Variants in CNTNAP3 observed in about 807,000 individuals in gnomAD.
The protein encoded by CNTNAP3 is contactin-associated protein-like 3.
A neutral mutation model predicts 92.1 loss-of-function variants in CNTNAP3; 36 were observed. The observed-to-expected ratio is 0.39, with a 90% CI of 0.30 to 0.52. CNTNAP3 has a LOEUF of 0.52. Among genes scored for constraint, CNTNAP3 ranks in the 20% least tolerant of loss-of-function variants. CNTNAP3 has a pLI of 0.76. For missense variants in CNTNAP3, 534 were observed against 1,069.6 expected (o/e 0.50, Z 6.98); for synonymous variants, 232 against 422.3 (o/e 0.55, Z 5.53).
intron 13 of CNTNAP3, among the ~76,000 whole-genome samples, chr9:39,120,623 T>C (rs919853700): frequency 2.0e-5 from 3 of 152,142 alleles, no homozygotes; most frequent in East Asian, 1.9e-4. Context: ...TGAGCCGAGA[T>C]TGTGCCACTG....
rs558954825 is a variant in CNTNAP3, at chr9:39,092,322, T to C, written c.2996-3675A>G. Among the ~76,000 whole-genome samples the C allele has an allele frequency of 2.8e-5, 4 of 144,564 alleles. No individual in the cohort carries two copies. The South Asian group carries it at 9.0e-4, about 33-fold the overall frequency. 94.8% of individuals were successfully genotyped at this position (144,564 alleles called of 152,430 possible). ...GTTTGCTCTTCTTTTTTCAGTGTCTTAGGGTGGCAGGTCAGGTTTTTTATT... is the reference window on the plus strand; with the variant it reads ...GTTTGCTCTTCTTTTTTCAGTGTCTCAGGGTGGCAGGTCAGGTTTTTTATT... On this transcript the variant is annotated intron_variant, in intron 18 of 23. Transcript: ENST00000297668.
intron 18 of CNTNAP3, among the ~76,000 whole-genome samples, chr9:39,092,332 G>A (rs969066946): frequency 3.5e-5 from 5 of 142,976 alleles, no homozygotes; most frequent in Admixed American, 1.4e-4. Context: ...TAGGGTGGCA[G>A]GTCAGGTTTT....
At chr9:39,110,521 A>T (rs1826720207) in intron 14 of CNTNAP3, among the ~76,000 whole-genome samples, 1 of 152,184 alleles carries the variant, frequency 6.6e-6, no homozygotes, top group African/African-American at 2.4e-5. Context: ...TTCTGAAAGC[A>T]CACAGCCTAT....
chr9:39,165,057 T>TTGAG (rs1356887878), intron 9 of CNTNAP3, among the ~76,000 whole-genome samples: 5 of 99,974 alleles, frequency 5.0e-5, no homozygotes, highest in East Asian at 5.7e-4. Context: ...AAGTCTGAGT[T>TTGAG]TGAGGCAAAG....
intron 19 of CNTNAP3, among the ~76,000 whole-genome samples, chr9:39,088,029 G>C (rs1020162111): frequency 6.6e-6 from 1 of 152,152 alleles, no homozygotes; most frequent in African/African-American, 2.4e-5. Flanking sequence ...TTATATAGTT[G>C]TACTATAACA....
Position 39,085,901 on chromosome 9 carries a change from A to G in CNTNAP3, c.3355-78T>C, listed in dbSNP as rs1025730524. ...ATAAGGAAGCAAAGGAAGATGAGGA[A>G]AGGAAAGATGAAAATAAATCACTTT... On this transcript the variant is annotated intron_variant, in intron 20 of 23. Coordinates refer to ENST00000297668, the MANE Select transcript of CNTNAP3 (RefSeq NM_033655.5). 12 of 1,276,616 alleles carry G rather than the reference A, an allele frequency of 9.4e-6. 1 individual carries two copies. The highest frequency in any genetic ancestry group is 8.6e-5 in the Admixed American group (5 of 58,226). 79.1% of individuals were successfully genotyped at this position (1,276,616 alleles called of 1,614,324 possible).
chr9:39,078,560 T>C, intron 22 of CNTNAP3, 104 bp from the exon 23 acceptor site: 1 of 1,558,474 alleles, frequency 6.4e-7, no homozygotes, highest in South Asian at 1.2e-5. Context: ...AATAAGAACA[T>C]CACAAAAATG....
chr9:39,086,586 C>A, intron 20 of CNTNAP3, 130 bp downstream of exon 20: 1 of 1,243,790 alleles, frequency 8.0e-7, no homozygotes, highest in Non-Finnish European at 1.1e-6. Flanking sequence ...TATTTGGCTT[C>A]TTCTTGACTT....
At chr9:39,119,464 A>T (rs545580638) in intron 13 of CNTNAP3, among the ~76,000 whole-genome samples, 3 of 152,152 alleles carry the variant, frequency 2.0e-5, no homozygotes, top group East Asian at 3.9e-4. Context: ...AGATATTTTT[A>T]AAAATTAATA....
In CNTNAP3 at chr9:39,140,465, G is replaced by A. The variant is rs1489691148; in HGVS notation, c.1876+54C>T. Reference sequence around the variant, plus strand: ...ATGTTTTAATAATGCTGCCAACTAGGTAAATTTCTCCTTGGTCTATTCTGA... The same window carrying A: ...ATGTTTTAATAATGCTGCCAACTAGATAAATTTCTCCTTGGTCTATTCTGA... On this transcript the variant is annotated intron_variant, in intron 12 of 23. Transcript: ENST00000297668. The A allele has an allele frequency of 2.5e-6, 4 of 1,593,426 alleles. No individual in the cohort carries two copies. In the East Asian group the frequency reaches 9.1e-5, roughly 36 times the overall value.
At chr9:39,094,394 T>C (rs1386668663) in intron 18 of CNTNAP3, among the ~76,000 whole-genome samples, 1 of 151,774 alleles carries the variant, frequency 6.6e-6, no homozygotes, top group East Asian at 1.9e-4. Context: ...TTTATTGTTG[T>C]TGTTGCCCGT....
intron 18 of CNTNAP3, chr9:39,099,695 CTTCTAA>C: frequency 1.2e-6 from 1 of 819,890 alleles, no homozygotes; most frequent in South Asian, 1.8e-5. Context: ...ACCCAGAGAT[CTTCTAA>C]ATAAGAAACC....
At chr9:39,092,424 C>G (rs548025168) in intron 18 of CNTNAP3, among the ~76,000 whole-genome samples, 3 of 133,186 alleles carry the variant, frequency 2.3e-5, no homozygotes, top group Non-Finnish European at 3.3e-5. Context: ...AGCTGTGTTA[C>G]TATATGTTTT....
At chr9:39,144,161 G>A in intron 11 of CNTNAP3, 79 bp downstream of exon 11, 2 of 1,432,084 alleles carry the variant, frequency 1.4e-6, no homozygotes, top group South Asian at 1.5e-5. Flanking sequence ...TTGCAAATAT[G>A]CAGATACATA....
At chr9:39,124,873 G>T (rs1308715327) in intron 13 of CNTNAP3, among the ~76,000 whole-genome samples, 1 of 152,088 alleles carries the variant, frequency 6.6e-6, no homozygotes, top group Non-Finnish European at 1.5e-5. Flanking sequence ...TGCAGGAGAG[G>T]ATGTGGAGAA....
chr9:39,164,288 A>AGATACC (rs1341182978), intron 9 of CNTNAP3, among the ~76,000 whole-genome samples: 1 of 5,776 alleles, frequency 1.7e-4, no homozygotes, highest in Non-Finnish European at 3.6e-4. Context: ...GTCTGGTCAG[A>AGATACC]GATACCTCAG....
chr9:39,091,171 C>CTTTTTTTTTTTTTTTTTT (rs201329360), intron 18 of CNTNAP3, among the ~76,000 whole-genome samples: 8 of 128,484 alleles, frequency 6.2e-5, no homozygotes, highest in South Asian at 2.4e-4. Context: ...TTTTCTTCTT[C>CTTTTTTTTTTTTTTTTTT]TTTTTTTTTT....
At chr9:39,093,619 T>A (rs1350233527) in intron 18 of CNTNAP3, among the ~76,000 whole-genome samples, 2 of 151,612 alleles carry the variant, frequency 1.3e-5, no homozygotes, top group Middle Eastern at 3.4e-3. Flanking sequence ...AGTTATATAA[T>A]ATCTGCCCTC....
intron 12 of CNTNAP3, among the ~76,000 whole-genome samples, chr9:39,135,684 G>A (rs541384463): frequency 2.0e-5 from 3 of 152,218 alleles, no homozygotes; most frequent in African/African-American, 7.2e-5. Context: ...ACTGAACCTA[G>A]CTCAACCCAG....
Sources: allele counts gnomAD v4.1 joint callset (sites outside exome capture counted in the v4.1 genomes callset), GRCh38; gene constraint gnomAD v4.1.1; transcripts MANE v1.5; gene names NCBI Gene and HGNC (gene_info 2026-07-23, HGNC 2026-07-21).